LIMCH1: variants seen among roughly 807,000 people sequenced by gnomAD.
LIMCH1 encodes the protein LIM and calponin homology domains 1.
In LIMCH1, 113 loss-of-function variants were observed where a neutral mutation model predicts 176.5. That is an observed-to-expected ratio of 0.64 (90% CI 0.55 to 0.75). LIMCH1 has a LOEUF of 0.75. Among genes scored for constraint, LIMCH1 ranks in the 30% least tolerant of loss-of-function variants. The probability of loss-of-function intolerance (pLI) is 0.00; values close to 1 mark genes in which losing one functional copy is unlikely to be tolerated. For missense variants in LIMCH1, 1,674 were observed against 1,814.9 expected (o/e 0.92, Z 1.41); for synonymous variants, 619 against 645.9 (o/e 0.96, Z 0.63).
At chr4:41,597,041 A>C (rs568922565) in intron 1 of LIMCH1, among the ~76,000 whole-genome samples, 3 of 151,044 alleles carry the variant, frequency 2.0e-5, no homozygotes, top group African/African-American at 7.3e-5. Context: ...ACCTGCAACA[A>C]TCTCCTTCCA....
intron 1 of LIMCH1, among the ~76,000 whole-genome samples, chr4:41,411,401 TC>T (rs2059465958): frequency 6.6e-6 from 1 of 152,176 alleles, no homozygotes; most frequent in South Asian, 2.1e-4. Context: ...TGAGACAAGG[TC>T]TCACTATGTT....
At chr4:41,367,129 C>T (rs1314383631) in intron 1 of LIMCH1, among the ~76,000 whole-genome samples, 3 of 152,200 alleles carry the variant, frequency 2.0e-5, no homozygotes, top group African/African-American at 4.8e-5. Flanking sequence ...AGTCATCTCC[C>T]TGCAGGCTCC....
At chr4:41,406,972 C>T (rs192621240) in intron 1 of LIMCH1, among the ~76,000 whole-genome samples, 9 of 152,238 alleles carry the variant, frequency 5.9e-5, no homozygotes, top group East Asian at 5.8e-4. Flanking sequence ...AGCACGGGTA[C>T]GAGTGATCTC....
intron 1 of LIMCH1, among the ~76,000 whole-genome samples, chr4:41,419,665 CTTCCTTCCTTCCTTCCTCCT>C (rs1372288880): frequency 1.3e-5 from 1 of 78,350 alleles, no homozygotes; most frequent in Non-Finnish European, 2.3e-5. Context: ...TCCTTCCTTC[CTTCCTTCCTTCCTTCCTCCT>C]TCCTTCCTTC....
At chr4:41,509,739 G>A (rs1334149350) in intron 2 of LIMCH1, among the ~76,000 whole-genome samples, 1 of 152,170 alleles carries the variant, frequency 6.6e-6, no homozygotes, top group Non-Finnish European at 1.5e-5. Context: ...AACATGGAAG[G>A]TGAATATGCA....
At chr4:41,411,950 C>T (rs1243055229) in intron 1 of LIMCH1, among the ~76,000 whole-genome samples, 1 of 102,588 alleles carries the variant, frequency 9.7e-6, no homozygotes, top group East Asian at 3.0e-4. Context: ...GAGCGAGACT[C>T]CATCTCAAAA....
chr4:41,599,528 C>T (rs1386987976), intron 2 of LIMCH1, among the ~76,000 whole-genome samples: 2 of 152,178 alleles, frequency 1.3e-5, no homozygotes, highest in Non-Finnish European at 2.9e-5. Context: ...TTGACTATAT[C>T]TACTTAATGA....
chr4:41,645,996 C>T lies in LIMCH1; in HGVS notation c.2254-127C>T, dbSNP rs983961080. ...TTACATTGGATTGTGTGGGAATGCA[C>T]ACGATGTTATAGTGCCTGGGCCCAT... is the stretch of plus-strand genomic sequence containing the variant. On this transcript the variant is annotated intron_variant, in intron 15 of 31. Coordinates refer to ENST00000503057, the MANE Select transcript of LIMCH1 (RefSeq NM_001330672.2). 1.8e-5 allele frequency: 17 copies of T among 932,174 alleles called. No individual in the cohort carries two copies. The African/African-American group carries it at 2.5e-4, about 14-fold the overall frequency. 57.7% of individuals were successfully genotyped at this position (932,174 alleles called of 1,614,324 possible).
At chr4:41,633,378 C>T (rs1383888491) in intron 12 of LIMCH1, among the ~76,000 whole-genome samples, 170 bp from the exon 13 acceptor site, 1 of 152,204 alleles carries the variant, frequency 6.6e-6, no homozygotes, top group Non-Finnish European at 1.5e-5. Flanking sequence ...AGCTGCATGA[C>T]AGAGGGTCCC....
At chr4:41,504,154 C>T (rs1209704200) in intron 2 of LIMCH1, among the ~76,000 whole-genome samples, 1 of 152,202 alleles carries the variant, frequency 6.6e-6, no homozygotes, top group Non-Finnish European at 1.5e-5. Context: ...TTGCTGTCTC[C>T]TAGAATAAGG....
chr4:41,641,443 C>G (rs956401761), intron 14 of LIMCH1, among the ~76,000 whole-genome samples: 2 of 147,862 alleles, frequency 1.4e-5, no homozygotes, highest in African/African-American at 5.0e-5. Context: ...CTTTTTTGGC[C>G]AGTTTGCTGA....
chr4:41,569,873 A>G (rs1260157052), intron 1 of LIMCH1, among the ~76,000 whole-genome samples: 1 of 152,258 alleles, frequency 6.6e-6, no homozygotes, highest in Non-Finnish European at 1.5e-5. Context: ...CGTCATCATC[A>G]GGAAAGGATT....
intron 20 of LIMCH1, 37 bp from the exon 21 acceptor site, chr4:41,666,524 G>A (rs374786086): frequency 8.1e-6 from 11 of 1,359,464 alleles, no homozygotes; most frequent in Non-Finnish European, 1.2e-5. Flanking sequence ...TCAATGGACA[G>A]TTCTTGCAAT....
chr4:41,689,895 G>A (rs1409686544), intron 30 of LIMCH1: 3 of 322,052 alleles, frequency 9.3e-6, no homozygotes, highest in Non-Finnish European at 1.8e-5. Context: ...ACTCCAGCAG[G>A]AGGCTGAGAA....
Position 41,538,245 on chromosome 4 carries a change from T to A in LIMCH1, c.-346T>A. 1.0e-6 allele frequency: 1 copy of A among 985,520 alleles called. No homozygotes were observed. Among genetic ancestry groups the A allele is most frequent in the African/African-American group, 1.7e-5 (1 of 57,354 alleles). 61.0% of individuals were successfully genotyped at this position (985,520 alleles called of 1,614,324 possible). ...TTGGGAAAGGAAATGTAAGGGCATT[T>A]CGGCTGCTGTGCTGGGGCTGACGAG... On this transcript the variant is annotated 5_prime_UTR_variant, in exon 1 of 32. Transcript: ENST00000503057.
At position 41,577,519 on chromosome 4, in the gene LIMCH1, C is replaced by G. The variant is rs937244774; in HGVS notation, c.-240-21401C>G. On this transcript the variant is annotated intron_variant, in intron 1 of 31. Coordinates refer to ENST00000503057, the MANE Select transcript of LIMCH1 (RefSeq NM_001330672.2). ...ATCACAACTCACTGCAGCCTCAACC[C>G]TTTAGGCCCAAGTGATCCTCCTATC... Among the ~76,000 whole-genome samples, 6 of 152,136 alleles carry G rather than the reference C, an allele frequency of 3.9e-5. No homozygotes were observed. In the South Asian group the frequency reaches 1.2e-3, roughly 32 times the overall value.
intron 2 of LIMCH1, among the ~76,000 whole-genome samples, chr4:41,523,780 A>T (rs957327347): frequency 3.9e-5 from 6 of 152,186 alleles, no homozygotes; most frequent in African/African-American, 1.4e-4. Flanking sequence ...ATATAATTTC[A>T]ATCTTTAGCT....
At chr4:41,487,872 T>G (rs1240488661) in intron 1 of LIMCH1, among the ~76,000 whole-genome samples, 2 of 151,496 alleles carry the variant, frequency 1.3e-5, no homozygotes, top group African/African-American at 4.8e-5. Flanking sequence ...CAGGATGGTC[T>G]CAATCTCCTG....
At chr4:41,452,703 T>C (rs1231478700) in intron 1 of LIMCH1, among the ~76,000 whole-genome samples, 1 of 152,222 alleles carries the variant, frequency 6.6e-6, no homozygotes, top group Non-Finnish European at 1.5e-5. Flanking sequence ...TTCCTTCTTC[T>C]GCACCGCAAG....
Sources: allele counts gnomAD v4.1 joint callset (sites outside exome capture counted in the v4.1 genomes callset), GRCh38; gene constraint gnomAD v4.1.1; transcripts MANE v1.5; gene names NCBI Gene and HGNC (gene_info 2026-07-23, HGNC 2026-07-21).